CCDC83: variants seen among roughly 807,000 people sequenced by gnomAD.
CCDC83 encodes the protein coiled-coil domain containing 83.
CCDC83 carries 54 observed loss-of-function variants against 50.1 expected under a neutral mutation model. The observed-to-expected ratio is 1.08, with a 90% confidence interval of 0.87 to 1.35. CCDC83 has a LOEUF of 1.35. CCDC83 is among the 40% of genes most tolerant of loss of function. CCDC83 has a pLI of 0.00. For missense variants in CCDC83, 518 were observed against 473.9 expected (o/e 1.09, Z -0.86); for synonymous variants, 161 against 153.3 (o/e 1.05, Z -0.37).
chr11:85,894,232 AAT>A (rs1025832375), intron 5 of CCDC83, among the ~76,000 whole-genome samples: 20 of 152,318 alleles, frequency 1.3e-4, no homozygotes, highest in Non-Finnish European at 2.4e-4. Flanking sequence ...CTGTTAGTAC[AAT>A]ACTGTTGTTT....
chr11:85,891,949 G>C (rs1482026402), intron 5 of CCDC83, among the ~76,000 whole-genome samples: 1 of 152,224 alleles, frequency 6.6e-6, no homozygotes, highest in Non-Finnish European at 1.5e-5. Context: ...GATTCAGTGA[G>C]TTGGGGCGGC....
At chr11:85,879,602 A>G (rs981661144) in intron 3 of CCDC83, among the ~76,000 whole-genome samples, 3 of 151,724 alleles carry the variant, frequency 2.0e-5, no homozygotes, top group African/African-American at 7.3e-5. Context: ...AAATTTGATA[A>G]GGATAAGTTT....
At chr11:85,895,979 A>G (rs1565148888) in intron 6 of CCDC83, among the ~76,000 whole-genome samples, 1 of 152,152 alleles carries the variant, frequency 6.6e-6, no homozygotes, top group Non-Finnish European at 1.5e-5. Flanking sequence ...ACTCTTGGCT[A>G]ATCAGTGAAT....
intron 1 of CCDC83, among the ~76,000 whole-genome samples, chr11:85,864,759 C>A (rs2093197288): frequency 6.6e-6 from 1 of 152,110 alleles, no homozygotes; most frequent in Non-Finnish European, 1.5e-5. Context: ...CTGCCAAACA[C>A]TGTGGAGAAA....
intron 2 of CCDC83, among the ~76,000 whole-genome samples, chr11:85,869,272 A>G (rs532855741): frequency 7.2e-5 from 11 of 152,292 alleles, no homozygotes; most frequent in Non-Finnish European, 1.5e-4. Flanking sequence ...ATGAACTTCT[A>G]TGGTTGTTTG....
chr11:85,859,147 T>C (rs2093160079), intron 1 of CCDC83, among the ~76,000 whole-genome samples: 1 of 112,874 alleles, frequency 8.9e-6, no homozygotes, highest in African/African-American at 3.5e-5. Context: ...TAAATAAAAA[T>C]CTTGGTGCCT....
intron 1 of CCDC83, among the ~76,000 whole-genome samples, chr11:85,861,868 G>A (rs1478589352): frequency 6.6e-6 from 1 of 151,732 alleles, no homozygotes; most frequent in Non-Finnish European, 1.5e-5. Context: ...AATTAGCCAG[G>A]CATGGTAGCA....
intron 5 of CCDC83, among the ~76,000 whole-genome samples, chr11:85,889,026 A>G (rs1439763435): frequency 6.6e-6 from 1 of 152,230 alleles, no homozygotes; most frequent in East Asian, 1.9e-4. Context: ...TGATCTTCTC[A>G]TATAAACTTA....
chr11:85,882,616 T>G lies in CCDC83; in HGVS notation c.284T>G (p.Val95Gly). The G allele has an allele frequency of 1.2e-6, 2 of 1,613,988 alleles. No individual in the cohort carries two copies. The highest frequency in any genetic ancestry group is 1.7e-6 in the Non-Finnish European group (2 of 1,179,938). ...TTGCCAGTTGTAACAAGAGAGGATG[T>G]TGAAGAAGCGATGAAGGAAAAATGG... Reference protein sequence around the residue: ...EGLPVVTREDVEEAMKEKWKF... With the variant: ...EGLPVVTREDGEEAMKEKWKF... Residue 95 changes from valine to glycine, a missense_variant, in exon 4 of 11, where the codon GTT becomes GGT. Val to Gly is a moderately radical substitution (Grantham distance 109, BLOSUM62 -3). Coordinates refer to ENST00000342404, the MANE Select transcript of CCDC83 (RefSeq NM_001286159.2).
chr11:85,912,787 C>T, intron 8 of CCDC83: 1 of 1,148,622 alleles, frequency 8.7e-7, no homozygotes, highest in Non-Finnish European at 1.3e-6. Flanking sequence ...TGTCCACTGC[C>T]CTCTTTTCTG....
At chr11:85,911,435 TA>T in intron 8 of CCDC83, 33 bp downstream of exon 8, 1 of 1,507,016 alleles carries the variant, frequency 6.6e-7, no homozygotes. Flanking sequence ...GAGTATTTTG[TA>T]AACATTTGTA....
chr11:85,919,554 T>C lies in CCDC83; in HGVS notation c.*44T>C, dbSNP rs2093499059. The C allele has an allele frequency of 6.8e-7, 1 of 1,480,570 alleles. No individual in the cohort carries two copies. 91.7% of individuals were successfully genotyped at this position (1,480,570 alleles called of 1,614,324 possible). A position where few individuals can be genotyped will look rare whatever the true frequency, so the allele number is the denominator to read the frequency against. On this transcript the variant is annotated 3_prime_UTR_variant, in exon 11 of 11. Transcript: ENST00000342404. ...AAACACAACTTTTCCTTATAAATGT[T>C]CTTTGGGAACTGAAGTATATCCGTT...
At chr11:85,880,100 C>T (rs1287888761) in intron 3 of CCDC83, among the ~76,000 whole-genome samples, 1 of 152,080 alleles carries the variant, frequency 6.6e-6, no homozygotes, top group Non-Finnish European at 1.5e-5. Context: ...CCTTTGTCTT[C>T]CCATATAAAT....
intron 3 of CCDC83, among the ~76,000 whole-genome samples, chr11:85,877,385 T>C (rs2093275138): frequency 6.6e-6 from 1 of 152,270 alleles, no homozygotes; most frequent in African/African-American, 2.4e-5. Context: ...GGCAGGAAGA[T>C]GCTTGAGCCC....
intron 1 of CCDC83, among the ~76,000 whole-genome samples, chr11:85,858,778 A>G (rs1385501395): frequency 1.3e-5 from 2 of 152,160 alleles, no homozygotes; most frequent in Admixed American, 6.6e-5. Flanking sequence ...TCACAGGTTC[A>G]GTGGTACCTC....
intron 7 of CCDC83, among the ~76,000 whole-genome samples, chr11:85,905,442 C>CAAA (rs141344643): frequency 1.2e-4 from 13 of 106,138 alleles, no homozygotes; most frequent in Non-Finnish European, 1.3e-4. Context: ...AACTCCGCCT[C>CAAA]AAAAAAAAAA....
chr11:85,895,288 T>TAA lies in CCDC83; in HGVS notation c.512-3_512-2dup. On this transcript the variant is annotated splice_region_variant and splice_polypyrimidine_tract_variant and intron_variant, in intron 5 of 10. Transcript: ENST00000342404. The stretch of plus-strand genomic sequence containing the variant: ...TCTTTTTTTTTTTTTTTTTTTTTTT[T>TAA]AAAGAACACTATAAAATCACTCTGG... 1 of 555,902 alleles carries TAA rather than the reference T, an allele frequency of 1.8e-6. No individual in the cohort carries two copies. The highest frequency in any genetic ancestry group is 3.1e-5 in the South Asian group (1 of 32,254). The allele number at this position is 555,902 out of a possible 1,614,324, so 34.4% of individuals were successfully genotyped here. A position where few individuals can be genotyped will look rare whatever the true frequency, so the allele number is the denominator to read the frequency against.
chr11:85,902,153 T>G (rs571033229), intron 7 of CCDC83, among the ~76,000 whole-genome samples: 1 of 71,742 alleles, frequency 1.4e-5, no homozygotes, highest in South Asian at 3.5e-4. Flanking sequence ...AGGAAAATCC[T>G]AAAAGATTCT....
At chr11:85,901,846 T>C (rs749303794) in intron 7 of CCDC83, among the ~76,000 whole-genome samples, 3 of 150,294 alleles carry the variant, frequency 2.0e-5, no homozygotes, top group South Asian at 4.2e-4. Flanking sequence ...CTAGGCAACA[T>C]AGCAAGATCC....
Sources: allele counts gnomAD v4.1 joint callset (sites outside exome capture counted in the v4.1 genomes callset), GRCh38; gene constraint gnomAD v4.1.1; transcripts MANE v1.5; gene names NCBI Gene and HGNC (gene_info 2026-07-23, HGNC 2026-07-21).